The following GMDS variants were observed in gnomAD, a reference collection of about 807,000 sequenced individuals.
The protein encoded by GMDS is GDP-mannose 4,6 dehydratase.
A neutral mutation model predicts 49.9 loss-of-function variants in GMDS; 20 were observed. The ratio of observed to expected loss-of-function variants is 0.40; its 90% CI spans 0.28 to 0.58. The LOEUF (loss-of-function observed/expected upper bound fraction) is 0.58, where lower values mean the gene tolerates loss of function less well. Among genes scored for constraint, GMDS ranks in the 20% least tolerant of loss-of-function variants. The pLI is 0.42. For missense variants in GMDS, 362 were observed against 481.4 expected (o/e 0.75, Z 2.32); for synonymous variants, 177 against 178.6 (o/e 0.99, Z 0.07).
chr6:1,685,293 T>C (rs56404633), intron 9 of GMDS, among the ~76,000 whole-genome samples: 14,374 of 152,034 alleles, frequency 0.095, 778 homozygotes, highest in African/African-American at 0.15. Context: ...CCAAGCTACT[T>C]GGGAGGCTGA....
intron 7 of GMDS, among the ~76,000 whole-genome samples, chr6:1,793,299 T>C (rs1581188366): frequency 6.6e-6 from 1 of 152,222 alleles, no homozygotes; most frequent in East Asian, 1.9e-4. Context: ...TAGGAGCCTA[T>C]GAATCTGTTC....
At chr6:2,157,793 C>T (rs1366564323) in intron 1 of GMDS, among the ~76,000 whole-genome samples, 1 of 152,162 alleles carries the variant, frequency 6.6e-6, no homozygotes, top group Non-Finnish European at 1.5e-5. Flanking sequence ...TTTAAAATTC[C>T]TTTATTACTC....
chr6:2,103,619 G>A (rs1350749688), intron 4 of GMDS, among the ~76,000 whole-genome samples: 1 of 152,114 alleles, frequency 6.6e-6, no homozygotes, highest in East Asian at 1.9e-4. Context: ...GTTACAAATT[G>A]CTTTTCTACA....
chr6:2,079,166 T>C (rs1017366324), intron 4 of GMDS, among the ~76,000 whole-genome samples: 1 of 151,760 alleles, frequency 6.6e-6, no homozygotes, highest in African/African-American at 2.4e-5. Context: ...ACATGTGCCA[T>C]TATAGGTAAA....
intron 9 of GMDS, among the ~76,000 whole-genome samples, chr6:1,660,972 C>A (rs532924668): frequency 6.6e-6 from 1 of 151,648 alleles, no homozygotes; most frequent in Non-Finnish European, 1.5e-5. Flanking sequence ...ATGGCCCAAG[C>A]AGATCACAAG....
chr6:1,818,476 C>A, intron 7 of GMDS, among the ~76,000 whole-genome samples: 1 of 151,716 alleles, frequency 6.6e-6, no homozygotes, highest in East Asian at 1.9e-4. Flanking sequence ...GGCGTGGTGG[C>A]AGGTACCTGT....
chr6:2,106,961 G>A (rs1365952286), intron 4 of GMDS, among the ~76,000 whole-genome samples: 1 of 151,668 alleles, frequency 6.6e-6, no homozygotes, highest in Non-Finnish European at 1.5e-5. Flanking sequence ...AATTAATATT[G>A]TGGTAAATAT....
intron 4 of GMDS, among the ~76,000 whole-genome samples, chr6:2,099,668 C>T (rs1040087824): frequency 6.6e-6 from 1 of 152,064 alleles, no homozygotes; most frequent in Non-Finnish European, 1.5e-5. Context: ...CAGCATTTAA[C>T]TTTAATTTAT....
At chr6:2,105,483 A>C (rs973019018) in intron 4 of GMDS, among the ~76,000 whole-genome samples, 16 of 152,164 alleles carry the variant, frequency 1.1e-4, no homozygotes, top group African/African-American at 3.9e-4. Context: ...CAAACAAACA[A>C]ATAGAAAGGC....
At chr6:1,763,678 T>C (rs1252623664) in intron 7 of GMDS, among the ~76,000 whole-genome samples, 1 of 152,216 alleles carries the variant, frequency 6.6e-6, no homozygotes, top group Non-Finnish European at 1.5e-5. Context: ...GTAAAATGGA[T>C]TTCCGGTTTG....
chr6:1,814,737 G>A (rs1023720297), intron 7 of GMDS, among the ~76,000 whole-genome samples: 3 of 151,936 alleles, frequency 2.0e-5, no homozygotes, highest in Non-Finnish European at 2.9e-5. Context: ...ATATGTGTAC[G>A]TAAATATATA....
chr6:2,027,320 C>A lies in GMDS; in HGVS notation c.346-66354G>T, dbSNP rs539827543. Among the ~76,000 whole-genome samples the A allele has an allele frequency of 5.0e-4, 76 of 152,288 alleles. 2 individuals are homozygous for A. The South Asian group carries it at 0.012, about 23-fold the overall frequency. On this transcript the variant is annotated intron_variant, in intron 4 of 10. Transcript: ENST00000380815. ...AAGGTAATGGGAGAAAAAAGGCAGC[C>A]AGATATAGAGAGATTCACAGGTAGA... is the stretch of plus-strand genomic sequence containing the variant.
chr6:1,742,615 T>C (rs567739280), intron 7 of GMDS, 29 bp from the exon 8 acceptor site: 4 of 1,234,884 alleles, frequency 3.2e-6, no homozygotes, highest in South Asian at 2.5e-5. Context: ...AAGTTCACTT[T>C]GAAGTCACAC....
intron 9 of GMDS, among the ~76,000 whole-genome samples, chr6:1,636,546 C>T (rs1763154188): frequency 6.6e-6 from 1 of 152,234 alleles, no homozygotes; most frequent in Admixed American, 6.5e-5. Context: ...TGTGAGAACA[C>T]AGCCACCAAC....
intron 4 of GMDS, among the ~76,000 whole-genome samples, chr6:2,058,338 C>CAAAAAAAAAAAA (rs11390421): frequency 1.1e-5 from 1 of 90,324 alleles, no homozygotes. Flanking sequence ...GAGTAAGACT[C>CAAAAAAAAAAAA]AAAAAAAAAA....
At chr6:1,906,485 G>A (rs1420351208) in intron 7 of GMDS, among the ~76,000 whole-genome samples, 2 of 152,228 alleles carry the variant, frequency 1.3e-5, no homozygotes, top group Admixed American at 6.5e-5. Flanking sequence ...TGTCATTGCA[G>A]TCAGCAGATT....
At chr6:2,120,632 G>A (rs752553516) in intron 2 of GMDS, among the ~76,000 whole-genome samples, 20 of 152,120 alleles carry the variant, frequency 1.3e-4, no homozygotes, top group Non-Finnish European at 1.5e-4. Context: ...GTTCAACATT[G>A]TCTTTACTTC....
chr6:2,154,671 G>A (rs1362313378), intron 1 of GMDS, among the ~76,000 whole-genome samples: 1 of 150,950 alleles, frequency 6.6e-6, no homozygotes, highest in African/African-American at 2.4e-5. Context: ...CTAATTCTAG[G>A]GTTTATAGTA....
intron 1 of GMDS, among the ~76,000 whole-genome samples, chr6:2,133,454 CT>C (rs1775846043): frequency 6.6e-6 from 1 of 152,156 alleles, no homozygotes; most frequent in Non-Finnish European, 1.5e-5. Flanking sequence ...TGAAATACTG[CT>C]GTTGGTTAAG....
Sources: gnomAD v4.1 joint callset for allele counts (sites outside exome capture counted in the v4.1 genomes callset) on GRCh38, gnomAD v4.1.1 for gene constraint, MANE v1.5 for transcripts, NCBI Gene and HGNC (gene_info 2026-07-23, HGNC 2026-07-21) for gene names.